Variants in SEC16A observed in about 807,000 individuals in gnomAD.
The protein encoded by SEC16A is protein transport protein Sec16A.
In SEC16A, 110 loss-of-function variants were observed where a neutral mutation model predicts 221.9. The observed-to-expected ratio is 0.50, with a 90% CI of 0.42 to 0.58. SEC16A has a LOEUF of 0.58. Ranked by LOEUF, SEC16A falls within the 20% of genes least tolerant of loss-of-function variation. The pLI is 0.00. For missense variants in SEC16A, 3,165 were observed against 3,097.8 expected (o/e 1.02, Z -0.52); for synonymous variants, 1,393 against 1,257.7 (o/e 1.11, Z -2.28).
intron 4 of SEC16A, among the ~76,000 whole-genome samples, chr9:136,470,138 G>A (rs1051840171): frequency 6.6e-5 from 10 of 152,234 alleles, no homozygotes; most frequent in African/African-American, 2.4e-4. Context: ...CATGCAAGAC[G>A]TGTGCTCCCC....
chr9:136,456,686 A>G (rs1255564720), intron 18 of SEC16A, among the ~76,000 whole-genome samples: 1 of 152,146 alleles, frequency 6.6e-6, no homozygotes, highest in Non-Finnish European at 1.5e-5. Context: ...GTTCTCACAA[A>G]TGGAACTACT....
intron 4 of SEC16A, among the ~76,000 whole-genome samples, chr9:136,469,449 C>T (rs1280945861): frequency 2.0e-5 from 3 of 152,156 alleles, no homozygotes; most frequent in Non-Finnish European, 4.4e-5. Flanking sequence ...CTGGTACCTT[C>T]AAGATTCTTG....
At chr9:136,465,838 G>C (rs1283033675) in intron 8 of SEC16A, 124 bp downstream of exon 8, 1 of 985,538 alleles carries the variant, frequency 1.0e-6, no homozygotes, top group Non-Finnish European at 1.5e-6. Context: ...AGGACGGATT[G>C]GGTCAGAGCC....
chr9:136,474,012 A>G (rs377029518), intron 3 of SEC16A, 37 bp downstream of exon 3: 1 of 1,555,826 alleles, frequency 6.4e-7, no homozygotes, highest in African/African-American at 1.4e-5. Flanking sequence ...CAAAGCACAG[A>G]CAGAAAAGTG....
intron 28 of SEC16A, among the ~76,000 whole-genome samples, 157 bp downstream of exon 28, chr9:136,446,698 C>T (rs566785015): frequency 1.1e-4 from 16 of 152,356 alleles, no homozygotes; most frequent in African/African-American, 3.6e-4. Context: ...CTGCATTCTA[C>T]CTTCCGTCTC....
At chr9:136,484,222 C>G (rs575745178), upstream of SEC16A, 4 of 409,726 alleles carry the variant, frequency 9.8e-6, no homozygotes, top group Admixed American at 1.7e-4. Flanking sequence ...GGGGTCCCAG[C>G]CTTGGCTGAG....
chr9:136,441,011 A>G lies in SEC16A; in HGVS notation c.*744T>C, dbSNP rs1200864972. On this transcript the variant is annotated 3_prime_UTR_variant, in exon 32 of 32. Coordinates refer to ENST00000684901, the MANE Select transcript of SEC16A (RefSeq NM_014866.2). ...AGCCGGCTCTCTGGGGCTCCTTCCCAGTGACTGGGCCACACGGTGGGCAGT... is the reference window on the plus strand; with the variant it reads ...AGCCGGCTCTCTGGGGCTCCTTCCCGGTGACTGGGCCACACGGTGGGCAGT... The G allele has an allele frequency of 6.6e-6, 1 of 152,368 alleles. No individual in the cohort carries two copies. Among genetic ancestry groups the G allele is most frequent in the African/African-American group, 2.4e-5 (1 of 41,450 alleles). The allele number at this position is 152,368 out of a possible 1,614,324, so 9.4% of individuals were successfully genotyped here. A position where few individuals can be genotyped will look rare whatever the true frequency, so the allele number is the denominator to read the frequency against.
intron 23 of SEC16A, among the ~76,000 whole-genome samples, chr9:136,450,079 C>A (rs1837576362): frequency 6.6e-6 from 1 of 151,988 alleles, no homozygotes; most frequent in Admixed American, 6.6e-5. Context: ...GGGTGGGCAC[C>A]TGTAATCCCA....
intron 1 of SEC16A, among the ~76,000 whole-genome samples, chr9:136,481,951 C>G (rs995651708): frequency 3.3e-5 from 5 of 152,068 alleles, no homozygotes; most frequent in Admixed American, 3.3e-4. Context: ...TAACATTTAC[C>G]CACTACCATG....
In SEC16A at chr9:136,471,973, A is replaced by G; in HGVS notation, c.3704+2T>C. On this transcript the variant is annotated splice_donor_variant, in intron 4 of 31. Transcript: ENST00000684901. LOFTEE classifies it high-confidence loss of function. Reference sequence around the variant, plus strand: ...AGGCAGCCAGGGTGGGCGCGGCCGCACCTGGGAGGTGGCCGTTCCGAGGAG... The same window carrying G: ...AGGCAGCCAGGGTGGGCGCGGCCGCGCCTGGGAGGTGGCCGTTCCGAGGAG... 6.2e-7 allele frequency: 1 copy of G among 1,611,444 alleles called. No homozygotes were observed. Among genetic ancestry groups the G allele is most frequent in the Non-Finnish European group, 8.5e-7 (1 of 1,179,756 alleles).
chr9:136,463,260 C>G, intron 11 of SEC16A, 128 bp from the exon 12 acceptor site: 1 of 1,395,240 alleles, frequency 7.2e-7, no homozygotes, highest in Admixed American at 1.9e-5. Flanking sequence ...GCTGGCAAGG[C>G]TGGGCTGAAA....
intron 20 of SEC16A, among the ~76,000 whole-genome samples, chr9:136,454,928 G>T (rs1838396696): frequency 6.6e-6 from 1 of 152,216 alleles, no homozygotes. Flanking sequence ...CAGGAGTGTG[G>T]CTGGTCCACA....
In SEC16A at chr9:136,461,266, CAA is replaced by C; in HGVS notation, c.4900_4901del (p.Leu1634GlyfsTer18). ...ACAGGCCATTCTTCATTGCAGACTC[CAA>C]AGCATCCTGCAAAAGGCATTTCAGG... ...LLLYGRKKDALESAMKNGLWG... is the reference protein window; with the variant it reads ...LLLYGRKKDAXESAMKNGLWG... On this transcript the variant is annotated frameshift_variant, in exon 13 of 32. Transcript: ENST00000684901. LOFTEE classifies it high-confidence loss of function. 6.2e-7 allele frequency: 1 copy of C among 1,603,272 alleles called. No individual in the cohort carries two copies.
Position 136,466,321 on chromosome 9 carries a change from C to T in SEC16A, c.4071G>A (p.Leu1357=), listed in dbSNP as rs1452661354. The change falls in exon 7 of 32, where the codon CTG becomes CTA. Residue 1357 remains leucine, a synonymous_variant. Coordinates refer to ENST00000684901, the MANE Select transcript of SEC16A (RefSeq NM_014866.2). This position sits in a 1 kb window ranked among gnomAD's most constrained non-coding sequence, Gnocchi z 5.5. ...SVHSEHSARS[L]HSAHSLASRR... ...GGCTGGCCAGGCTGTGTGCGCTGTG[C>T]AGGCTCCGTGCCGAGTGCTCGCTGT... The T allele has an allele frequency of 2.5e-6, 4 of 1,570,418 alleles. No homozygotes were observed. Among genetic ancestry groups the T allele is most frequent in the Non-Finnish European group, 3.5e-6 (4 of 1,158,454 alleles).
rs182982104 is a variant in SEC16A at position 136,476,380 on chromosome 9, C to A, written c.1236G>T (p.Pro412=). 34 of 1,612,756 alleles carry A rather than the reference C, an allele frequency of 2.1e-5. No individual in the cohort carries two copies. In the African/African-American group the frequency reaches 3.2e-4, roughly 15 times the overall value. The part of the protein sequence containing the change: ...DFCSSPGLGR[P]PAPTHVGAGS... The stretch of plus-strand genomic sequence containing the variant: ...CTGCCCCCACGTGTGTAGGTGCGGG[C>A]GGACGGCCTAGCCCAGGGCTGGAGC... Residue 412 remains proline, a synonymous_variant, in exon 3 of 32, where the codon CCG becomes CCT. Coordinates refer to ENST00000684901, the MANE Select transcript of SEC16A (RefSeq NM_014866.2).
chr9:136,483,803 C>T (rs909887161), upstream of SEC16A: 4 of 985,290 alleles, frequency 4.1e-6, no homozygotes, highest in African/African-American at 7.0e-5. Context: ...GCGGCGGCGG[C>T]CGCGCATGCG....
In SEC16A at chr9:136,463,067, C is replaced by T; in HGVS notation, c.4713G>A (p.Gly1571=). The stretch of plus-strand genomic sequence containing the variant: ...TCAGGTTTGCTTCATTGGGCGACTT[C>T]CCAGGAAGCCACACTGTTCTGTGGT... ...LRDHRTVWLP[G]KSPNEANLID... is the part of the protein sequence containing the mutation. The change falls in exon 12 of 32, where the codon GGG becomes GGA. Residue 1571 remains glycine (G), a synonymous_variant. Coordinates refer to ENST00000684901, the MANE Select transcript of SEC16A (RefSeq NM_014866.2). 1.2e-6 allele frequency: 2 copies of T among 1,612,608 alleles called. No individual in the cohort carries two copies. Among genetic ancestry groups the T allele is most frequent in the Non-Finnish European group, 1.7e-6 (2 of 1,179,894 alleles).
At position 136,447,515 on chromosome 9, in the gene SEC16A, C is replaced by T. The variant is rs769210304; in HGVS notation, c.6559+54G>A. The T allele has an allele frequency of 9.1e-5, 142 of 1,553,320 alleles. No homozygotes were observed. The highest frequency in any genetic ancestry group is 1.2e-4 in the Non-Finnish European group (141 of 1,129,930). On this transcript the variant is annotated intron_variant, in intron 26 of 31. Transcript: ENST00000684901. This position sits in a 1 kb window ranked among gnomAD's most constrained non-coding sequence, Gnocchi z 5.5. ...GCACAACAGCTACACATTGGCCTCT[C>T]TCTCTGGGACAGTTAATCGTTCAAG... is the stretch of plus-strand genomic sequence containing the variant.
At position 136,457,488 on chromosome 9, in the gene SEC16A, G is replaced by C; in HGVS notation, c.5506C>G (p.Gln1836Glu). The part of the protein sequence containing the change: ...CEAIAKSILT[Q>E]PHLYSPVLIS... ...AACACCGGGGAATACAGGTGCGGCT[G>C]CGTCAGGATGCTCTTCGCGATGGCC... is the stretch of plus-strand genomic sequence containing the variant. Residue 1836 changes from glutamine (Q) to glutamate (E), a missense_variant, in exon 18 of 32, where the codon CAG becomes GAG. This residue lies in a region of SEC16A where 1,088 missense variants were observed against 1,089.6 expected (regional missense o/e 1.00). Coordinates refer to ENST00000684901, the MANE Select transcript of SEC16A (RefSeq NM_014866.2). 4 of 1,608,650 alleles carry C rather than the reference G, an allele frequency of 2.5e-6. No individual in the cohort carries two copies. The highest frequency in any genetic ancestry group is 1.1e-5 in the South Asian group (1 of 89,908).
Sources: gnomAD v4.1 joint callset for allele counts (sites outside exome capture counted in the v4.1 genomes callset) on GRCh38, gnomAD v4.1.1 for gene constraint, gnomAD v4.1.1 regional missense constraint, Gnocchi (gnomAD v3.1) non-coding constraint, MANE v1.5 for transcripts, NCBI Gene and HGNC (gene_info 2026-07-23, HGNC 2026-07-21) for gene names.